The following RTN4IP1 variants were observed in gnomAD, a reference collection of about 807,000 sequenced individuals.
RTN4IP1 encodes reticulon 4 interacting protein 1, also known as NAD(P)H oxidoreductase RTN4IP1, mitochondrial.
RTN4IP1 carries 32 observed loss-of-function variants against 46.6 expected under a neutral mutation model. The ratio of observed to expected loss-of-function variants is 0.69; its 90% CI spans 0.52 to 0.92. RTN4IP1 has a LOEUF of 0.92. RTN4IP1 is among the 40% of genes least tolerant of loss of function. The probability of loss-of-function intolerance (pLI) is 0.00; values close to 1 mark genes in which losing one functional copy is unlikely to be tolerated. For missense variants in RTN4IP1, 424 were observed against 485.8 expected (o/e 0.87, Z 1.20); for synonymous variants, 167 against 161.8 (o/e 1.03, Z -0.24).
chr6:106,629,053 T>A lies in RTN4IP1; in HGVS notation c.-32A>T. On this transcript the variant is annotated 5_prime_UTR_variant, in exon 1 of 9. Transcript: ENST00000369063. ...CACTGGTTGAACTGCGTGCTCAAAT[T>A]CAAATACACTTGGACTGGATCAAAC... 6.3e-7 allele frequency: 1 copy of A among 1,583,692 alleles called. No homozygotes were observed. Among genetic ancestry groups the A allele is most frequent in the Non-Finnish European group, 8.6e-7 (1 of 1,164,246 alleles).
chr6:106,572,876 T>C (rs1410242484), intron 8 of RTN4IP1, among the ~76,000 whole-genome samples: 4 of 152,238 alleles, frequency 2.6e-5, no homozygotes, highest in Non-Finnish European at 5.9e-5. Flanking sequence ...CCATTTTGTT[T>C]GCATCCCCCA....
In RTN4IP1 at chr6:106,629,254, TTC is replaced by T; in HGVS notation, c.-235_-234del. ...GCTCGAATTAACGTTCCAGTCAGTA[TTC>T]TGTCCATTCTCCTCCCTCACTTTCA... On this transcript the variant is annotated 5_prime_UTR_variant, in exon 1 of 9. The change abolishes the stop of an existing upstream ORF in the 5' untranslated region. Coordinates refer to ENST00000369063, the MANE Select transcript of RTN4IP1 (RefSeq NM_032730.5). 7.0e-6 allele frequency: 4 copies of T among 574,282 alleles called. No individual in the cohort carries two copies. 35.6% of individuals were successfully genotyped at this position (574,282 alleles called of 1,614,324 possible). A position where few individuals can be genotyped will look rare whatever the true frequency, so the allele number is the denominator to read the frequency against.
intron 5 of RTN4IP1, among the ~76,000 whole-genome samples, chr6:106,600,553 AT>A (rs1008285767): frequency 1.3e-5 from 2 of 152,016 alleles, no homozygotes; most frequent in Non-Finnish European, 2.9e-5. Flanking sequence ...CCTCACACTC[AT>A]TACGTAGTCA....
chr6:106,599,353 A>G (rs1582367741), intron 5 of RTN4IP1, among the ~76,000 whole-genome samples: 1 of 152,012 alleles, frequency 6.6e-6, no homozygotes, highest in Non-Finnish European at 1.5e-5. Context: ...AAAATTAAGA[A>G]TTAGAATACC....
intron 6 of RTN4IP1, among the ~76,000 whole-genome samples, chr6:106,589,126 GGAA>G (rs1212804148): frequency 0.012 from 1,351 of 109,144 alleles, 34 homozygotes; most frequent in African/African-American, 0.045. Flanking sequence ...AGGAAGAAGA[GGAA>G]GAAGAAGAAG....
At chr6:106,619,769 G>C (rs1337098951) in intron 3 of RTN4IP1, among the ~76,000 whole-genome samples, 1 of 149,210 alleles carries the variant, frequency 6.7e-6, no homozygotes, top group Non-Finnish European at 1.5e-5. Context: ...CCGCCACTGC[G>C]CCCAGCTAAT....
intron 6 of RTN4IP1, among the ~76,000 whole-genome samples, chr6:106,590,875 A>T (rs1179401569): frequency 6.6e-6 from 1 of 152,170 alleles, no homozygotes; most frequent in Non-Finnish European, 1.5e-5. Context: ...TGAAAGGGAC[A>T]ATGTTAGTCC....
At chr6:106,591,500 C>CA (rs1775662314) in intron 6 of RTN4IP1, among the ~76,000 whole-genome samples, 1 of 151,900 alleles carries the variant, frequency 6.6e-6, no homozygotes, top group Non-Finnish European at 1.5e-5. Flanking sequence ...GAAAACTAAT[C>CA]AAAAAAGGGA....
chr6:106,629,645 G>T (rs374426112), upstream of RTN4IP1: 242 of 1,590,090 alleles, frequency 1.5e-4, no homozygotes, highest in Admixed American at 7.8e-4. Context: ...TTTCCCCCTT[G>T]CCTGGCTCCT....
intron 6 of RTN4IP1, among the ~76,000 whole-genome samples, chr6:106,588,903 G>A (rs1775551383): frequency 6.6e-6 from 1 of 151,840 alleles, no homozygotes; most frequent in African/African-American, 2.4e-5. Context: ...CTGAGGTCAG[G>A]AGTTCGAGAC....
chr6:106,583,484 T>TTTA, intron 7 of RTN4IP1, 64 bp from the exon 8 acceptor site: 1 of 1,371,062 alleles, frequency 7.3e-7, no homozygotes, highest in Non-Finnish European at 1.0e-6. Flanking sequence ...AAATGCAGAT[T>TTTA]TAGGGAAAAG....
At chr6:106,619,595 T>A (rs183785033) in intron 3 of RTN4IP1, among the ~76,000 whole-genome samples, 10,768 of 149,920 alleles carry the variant, frequency 0.072, 1,021 homozygotes, top group African/African-American at 0.2. Context: ...ATAGTAAGTA[T>A]ACTTTTCTTC....
Position 106,628,794 on chromosome 6 carries a change from G to T in RTN4IP1, c.228C>A (p.Val76=), listed in dbSNP as rs949826865. ...PIIHYPNEVI[V]KVHAASVNPI... is the part of the protein sequence containing the mutation. ...GATTTACACTGGCAGCGTGAACTTT[G>T]ACAATGACTTCATTTGGATAGTGTA... is the stretch of plus-strand genomic sequence containing the variant. The change falls in exon 1 of 9, where the codon GTC becomes GTA. Residue 76 remains valine (V), a synonymous_variant. Transcript: ENST00000369063. 1 of 1,613,878 alleles carries T rather than the reference G, an allele frequency of 6.2e-7. No individual in the cohort carries two copies. The highest frequency in any genetic ancestry group is 1.7e-5 in the Admixed American group (1 of 59,994).
rs777021366 is a variant in RTN4IP1, at chr6:106,592,305, C to T, written c.670-5G>A. Reference sequence around the variant, plus strand: ...AGCATCCCATGCTTTCATTACCTGCCCCCCACCAAAAAGAAAAAAAGAATA... The same window carrying T: ...AGCATCCCATGCTTTCATTACCTGCTCCCCACCAAAAAGAAAAAAAGAATA... On this transcript the variant is annotated splice_region_variant and splice_polypyrimidine_tract_variant and intron_variant, in intron 5 of 8. Coordinates refer to ENST00000369063, the MANE Select transcript of RTN4IP1 (RefSeq NM_032730.5). 26 of 1,603,354 alleles carry T rather than the reference C, an allele frequency of 1.6e-5. No homozygotes were observed. Among genetic ancestry groups the T allele is most frequent in the Non-Finnish European group, 2.0e-5 (24 of 1,177,436 alleles).
chr6:106,583,304 A>G (rs1281237676), intron 8 of RTN4IP1, 24 bp downstream of exon 8: 6 of 1,596,046 alleles, frequency 3.8e-6, no homozygotes, highest in East Asian at 4.5e-5. Context: ...AAGGCTTCCA[A>G]TCCAGGTTTC....
intron 4 of RTN4IP1, among the ~76,000 whole-genome samples, chr6:106,604,472 G>A (rs1234557354): frequency 6.6e-6 from 1 of 152,048 alleles, no homozygotes; most frequent in Non-Finnish European, 1.5e-5. Context: ...TCAGAACGAA[G>A]GTCTCTCTGA....
chr6:106,616,936 C>A (rs7454323), intron 4 of RTN4IP1, among the ~76,000 whole-genome samples: 11,050 of 152,138 alleles, frequency 0.073, 1,009 homozygotes, highest in African/African-American at 0.2. Context: ...ATCCTAACCC[C>A]CAGGGTGATG....
chr6:106,605,816 C>CACAAAAAA (rs1776053742), intron 4 of RTN4IP1, among the ~76,000 whole-genome samples: 4 of 4,494 alleles, frequency 8.9e-4, no homozygotes, highest in Non-Finnish European at 2.5e-3. Flanking sequence ...GACTCTGTCC[C>CACAAAAAA]AAAAAAAAAA....
At chr6:106,576,588 T>C (rs543569653) in intron 8 of RTN4IP1, among the ~76,000 whole-genome samples, 2 of 152,318 alleles carry the variant, frequency 1.3e-5, no homozygotes, top group South Asian at 4.1e-4. Flanking sequence ...ACTTCGTTGC[T>C]AAACGAGGGC....
Sources: allele counts gnomAD v4.1 joint callset (sites outside exome capture counted in the v4.1 genomes callset), GRCh38; gene constraint gnomAD v4.1.1; transcripts MANE v1.5; gene names NCBI Gene and HGNC (gene_info 2026-07-23, HGNC 2026-07-21).